The following BICD1 variants were observed in gnomAD, a reference collection of about 807,000 sequenced individuals.
BICD1 encodes BICD cargo adaptor 1, also known as protein bicaudal D homolog 1.
Under a neutral mutation model 92.5 loss-of-function variants are expected in BICD1, and 35 were observed. The ratio of observed to expected loss-of-function variants is 0.38; its 90% CI spans 0.29 to 0.50. The LOEUF is 0.50. Ranked by LOEUF, BICD1 falls within the 20% of genes least tolerant of loss-of-function variation. The pLI, the probability that BICD1 is intolerant of heterozygous loss-of-function variation, is 0.93. For synonymous variants in BICD1, 429 were observed against 465.1 expected (o/e 0.92, Z 1.00); for missense variants, 950 against 1,189.8 (o/e 0.80, Z 2.97).
chr12:32,259,414 G>GT (rs1451090667), intron 2 of BICD1, among the ~76,000 whole-genome samples: 3 of 152,218 alleles, frequency 2.0e-5, no homozygotes, highest in Admixed American at 1.3e-4. Flanking sequence ...GTAAAGCAAT[G>GT]TATCAGTGGA....
intron 2 of BICD1, among the ~76,000 whole-genome samples, chr12:32,234,414 A>G (rs946121682): frequency 6.6e-6 from 1 of 151,968 alleles, no homozygotes; most frequent in Non-Finnish European, 1.5e-5. Flanking sequence ...CCTGATCAAC[A>G]TGGAGAAACC....
At chr12:32,163,675 C>T (rs1943666450) in intron 1 of BICD1, among the ~76,000 whole-genome samples, 1 of 152,136 alleles carries the variant, frequency 6.6e-6, no homozygotes, top group Non-Finnish European at 1.5e-5. Context: ...TGCTGTTTCC[C>T]GTTTTCCAGT....
intron 1 of BICD1, among the ~76,000 whole-genome samples, chr12:32,204,297 C>G (rs968060635): frequency 2.6e-4 from 39 of 148,560 alleles, no homozygotes; most frequent in African/African-American, 9.7e-4. Context: ...TTGCAATGAG[C>G]TGTGATCATG....
At chr12:32,334,919 T>G (rs1334320880) in intron 6 of BICD1, among the ~76,000 whole-genome samples, 1 of 152,118 alleles carries the variant, frequency 6.6e-6, no homozygotes, top group African/African-American at 2.4e-5. Flanking sequence ...TAAGCTAATA[T>G]TAATAGGTTG....
At chr12:32,171,563 T>C (rs1943938108) in intron 1 of BICD1, among the ~76,000 whole-genome samples, 1 of 152,200 alleles carries the variant, frequency 6.6e-6, no homozygotes, top group Non-Finnish European at 1.5e-5. Flanking sequence ...AGTAAGGCTA[T>C]GCCACAGTCC....
intron 2 of BICD1, among the ~76,000 whole-genome samples, chr12:32,223,129 G>A (rs1945583548): frequency 6.6e-6 from 1 of 152,190 alleles, no homozygotes; most frequent in African/African-American, 2.4e-5. Context: ...TTTATGTTAT[G>A]GAGATGGCTT....
intron 1 of BICD1, among the ~76,000 whole-genome samples, chr12:32,153,826 T>C (rs1151015): frequency 0.5 from 75,191 of 149,274 alleles, 19,322 homozygotes; most frequent in South Asian, 0.69. Context: ...ATATTACATA[T>C]CTAATATATA....
chr12:32,211,032 T>C (rs138223134), intron 1 of BICD1, among the ~76,000 whole-genome samples: 1,914 of 152,316 alleles, frequency 0.013, 27 homozygotes, highest in African/African-American at 0.043. Flanking sequence ...CATGCCCAAT[T>C]CTAGTTGCTG....
chr12:32,259,960 T>C (rs1946814920), intron 2 of BICD1, among the ~76,000 whole-genome samples: 1 of 151,760 alleles, frequency 6.6e-6, no homozygotes, highest in Non-Finnish European at 1.5e-5. Context: ...GTTTTGCTCT[T>C]ATTGCCCAGG....
chr12:32,130,419 C>T (rs35851443), intron 1 of BICD1, among the ~76,000 whole-genome samples: 23,063 of 152,044 alleles, frequency 0.15, 2,067 homozygotes, highest in Non-Finnish European at 0.18. Flanking sequence ...TCTCGATCTC[C>T]TGACCTCGTG....
intron 1 of BICD1, among the ~76,000 whole-genome samples, chr12:32,174,750 T>C (rs1944045200): frequency 6.6e-6 from 1 of 152,214 alleles, no homozygotes; most frequent in African/African-American, 2.4e-5. Context: ...CTTTCATTAT[T>C]TTTTTCATAA....
intron 1 of BICD1, among the ~76,000 whole-genome samples, chr12:32,183,645 T>C (rs183352238): frequency 1.6e-4 from 24 of 152,348 alleles, no homozygotes; most frequent in Admixed American, 1.6e-3. Context: ...AACTTAAGCA[T>C]ACTCTGAGAA....
At chr12:32,142,223 T>A (rs1323968885) in intron 1 of BICD1, among the ~76,000 whole-genome samples, 1 of 151,790 alleles carries the variant, frequency 6.6e-6, no homozygotes, top group Non-Finnish European at 1.5e-5. Context: ...CTGGCCAACA[T>A]GGTGAAACCC....
Position 32,108,380 on chromosome 12 carries a change from G to A in BICD1, c.213+836G>A, listed in dbSNP as rs1448999648. The A allele has an allele frequency of 2.5e-5, 7 of 278,652 alleles. No homozygotes were observed. In the East Asian group the frequency reaches 4.4e-4, roughly 18 times the overall value. 17.3% of individuals were successfully genotyped at this position (278,652 alleles called of 1,614,324 possible). ...TATTTGGCCTCTTTTAAAGCCTGTCGGATGTATGGGAGAAAACAATGAACG... is the reference window on the plus strand; with the variant it reads ...TATTTGGCCTCTTTTAAAGCCTGTCAGATGTATGGGAGAAAACAATGAACG... On this transcript the variant is annotated intron_variant, in intron 1 of 9. Coordinates refer to ENST00000652176, the MANE Select transcript of BICD1 (RefSeq NM_001714.4).
chr12:32,168,022 G>A (rs1425521526), intron 1 of BICD1, among the ~76,000 whole-genome samples: 1 of 151,862 alleles, frequency 6.6e-6, no homozygotes, highest in Non-Finnish European at 1.5e-5. Flanking sequence ...GTGTGTGTGT[G>A]TGTGTGTGTG....
At chr12:32,246,029 C>CAAA (rs71068311) in intron 2 of BICD1, among the ~76,000 whole-genome samples, 2,531 of 43,870 alleles carry the variant, frequency 0.058, 181 homozygotes, top group East Asian at 0.25. Context: ...TACTCTGTCT[C>CAAA]AAAAAAAAAA....
intron 1 of BICD1, among the ~76,000 whole-genome samples, chr12:32,165,173 G>T (rs1943716495): frequency 1.3e-5 from 2 of 152,208 alleles, no homozygotes; most frequent in South Asian, 4.1e-4. Context: ...GTTACTAGAA[G>T]AGATATTTGA....
rs1354029954 is a variant in BICD1 at position 32,148,149 on chromosome 12, A to AAAAAAAAAAAAAG, written c.213+40608_213+40609insAAAAAAAAAGAAA. The stretch of plus-strand genomic sequence containing the variant: ...AGAGCGAGACTCCGTCTCCAAAAAA[A>AAAAAAAAAAAAAG]AAAGAATCTGAGAAGCAGATACTGG... On this transcript the variant is annotated intron_variant, in intron 1 of 9. Transcript: ENST00000652176. Among the ~76,000 whole-genome samples the AAAAAAAAAAAAAG allele has an allele frequency of 1.5e-3, 225 of 151,010 alleles. 2 individuals are homozygous for AAAAAAAAAAAAAG. The highest frequency in any genetic ancestry group is 2.7e-3 in the Non-Finnish European group (183 of 67,612).
intron 1 of BICD1, chr12:32,108,546 TGTCAA>T: frequency 1.7e-6 from 1 of 595,174 alleles, no homozygotes; most frequent in Non-Finnish European, 3.0e-6. Flanking sequence ...CTTTTCTGTG[TGTCAA>T]GTCCTTATTT....
Sources: gnomAD v4.1 joint callset for allele counts (sites outside exome capture counted in the v4.1 genomes callset) on GRCh38, gnomAD v4.1.1 for gene constraint, MANE v1.5 for transcripts, NCBI Gene and HGNC (gene_info 2026-07-23, HGNC 2026-07-21) for gene names.